Variants in MTHFD2L observed in about 807,000 individuals in gnomAD.
MTHFD2L encodes the protein methylenetetrahydrofolate dehydrogenase (NADP+ dependent) 2 like, also known as bifunctional methylenetetrahydrofolate dehydrogenase/cyclohydrolase 2, mitochondrial.
A neutral mutation model predicts 34.9 loss-of-function variants in MTHFD2L; 29 were observed. The ratio of observed to expected loss-of-function variants is 0.83; its 90% CI spans 0.62 to 1.13. The LOEUF (loss-of-function observed/expected upper bound fraction) is 1.13, where lower values mean the gene tolerates loss of function less well. Among genes scored for constraint, MTHFD2L ranks in the 50% most tolerant of loss-of-function variants. The pLI is 0.00. For synonymous variants in MTHFD2L, 167 were observed against 155.7 expected (o/e 1.07, Z -0.54); for missense variants, 481 against 446.5 (o/e 1.08, Z -0.70).
chr4:74,256,709 G>C (rs1016422925), intron 6 of MTHFD2L, among the ~76,000 whole-genome samples: 2 of 152,124 alleles, frequency 1.3e-5, no homozygotes, highest in African/African-American at 4.8e-5. Flanking sequence ...ATAATCAAAT[G>C]ATTGTCAGTG....
chr4:74,176,228 C>T (rs562971603), intron 3 of MTHFD2L, among the ~76,000 whole-genome samples: 22 of 152,050 alleles, frequency 1.4e-4, no homozygotes, highest in Non-Finnish European at 2.9e-4. Context: ...GATTCAGTGT[C>T]AGCATTCTAT....
At chr4:74,172,768 C>A (rs1243574568) in intron 1 of MTHFD2L, among the ~76,000 whole-genome samples, 1 of 152,132 alleles carries the variant, frequency 6.6e-6, no homozygotes, top group Non-Finnish European at 1.5e-5. Flanking sequence ...GGAATTGCTT[C>A]TTAGCAGAAC....
intron 3 of MTHFD2L, among the ~76,000 whole-genome samples, chr4:74,176,124 T>A (rs193179859): frequency 2.6e-5 from 4 of 152,124 alleles, no homozygotes. Context: ...ATCTGAGATG[T>A]TGTTGTCTTT....
At chr4:74,271,291 T>C (rs1418121693) in intron 6 of MTHFD2L, among the ~76,000 whole-genome samples, 2 of 152,356 alleles carry the variant, frequency 1.3e-5, no homozygotes, top group East Asian at 3.9e-4. Flanking sequence ...TTCTAGAGTT[T>C]TTATGGTTTT....
intron 6 of MTHFD2L, among the ~76,000 whole-genome samples, chr4:74,247,528 T>C (rs1742654975): frequency 6.6e-6 from 1 of 151,902 alleles, no homozygotes; most frequent in Non-Finnish European, 1.5e-5. Context: ...TGTATAGGAG[T>C]GGTGAGAGAG....
intron 1 of MTHFD2L, among the ~76,000 whole-genome samples, chr4:74,127,205 A>G (rs1467508035): frequency 2.0e-5 from 3 of 152,176 alleles, no homozygotes; most frequent in Non-Finnish European, 4.4e-5. Context: ...GAATTAATAC[A>G]ATCAAATCAG....
chr4:74,290,820 A>G (rs965423527), intron 7 of MTHFD2L, among the ~76,000 whole-genome samples: 2 of 151,690 alleles, frequency 1.3e-5, no homozygotes, highest in African/African-American at 4.8e-5. Flanking sequence ...CAACTCTCAT[A>G]TGAATCAACT....
chr4:74,138,163 G>T (rs1723062218), intron 1 of MTHFD2L, among the ~76,000 whole-genome samples: 1 of 151,976 alleles, frequency 6.6e-6, no homozygotes, highest in South Asian at 2.1e-4. Context: ...TGTCTTGTTA[G>T]GGTTAGACAA....
At chr4:74,235,004 T>TA (rs1303504894) in intron 6 of MTHFD2L, among the ~76,000 whole-genome samples, 1 of 152,052 alleles carries the variant, frequency 6.6e-6, no homozygotes, top group Non-Finnish European at 1.5e-5. Context: ...TCTGGCAGCT[T>TA]AGAGCTATAA....
intron 6 of MTHFD2L, chr4:74,267,128 G>A (rs1745375470): frequency 1.2e-5 from 12 of 984,986 alleles, no homozygotes; most frequent in Non-Finnish European, 1.3e-5. Context: ...TTTCTAAAAT[G>A]TTTGAAACCC....
At chr4:74,168,742 T>A (rs954291858) in intron 1 of MTHFD2L, among the ~76,000 whole-genome samples, 1 of 152,064 alleles carries the variant, frequency 6.6e-6, no homozygotes, top group African/African-American at 2.4e-5. Flanking sequence ...TAGAAAACAA[T>A]CACTCTGGCT....
intron 1 of MTHFD2L, chr4:74,165,125 T>C: frequency 3.8e-6 from 1 of 263,346 alleles, no homozygotes; most frequent in Non-Finnish European, 5.9e-6. Context: ...GGAATATCTA[T>C]TGGCTTACAA....
intron 6 of MTHFD2L, among the ~76,000 whole-genome samples, chr4:74,250,053 G>C (rs1387607453): frequency 6.6e-6 from 1 of 151,952 alleles, no homozygotes; most frequent in Non-Finnish European, 1.5e-5. Context: ...AAGTTCTCCT[G>C]GATAATATCC....
intron 7 of MTHFD2L, among the ~76,000 whole-genome samples, chr4:74,286,503 T>G (rs1223271503): frequency 6.6e-6 from 1 of 152,200 alleles, no homozygotes; most frequent in African/African-American, 2.4e-5. Flanking sequence ...AGTAAATAGC[T>G]TCTTGTAAAT....
intron 6 of MTHFD2L, among the ~76,000 whole-genome samples, chr4:74,258,729 A>T (rs1019044530): frequency 3.3e-5 from 5 of 152,188 alleles, no homozygotes; most frequent in Admixed American, 3.3e-4. Context: ...CATCATATAG[A>T]TTATAGCAAA....
chr4:74,237,646 T>A (rs1741040024), intron 6 of MTHFD2L, among the ~76,000 whole-genome samples: 1 of 152,168 alleles, frequency 6.6e-6, no homozygotes, highest in Admixed American at 6.5e-5. Flanking sequence ...CTTATCTTGA[T>A]CTTGGTTTAA....
chr4:74,161,663 A>G (rs1488302445), intron 1 of MTHFD2L: 1 of 152,242 alleles, frequency 6.6e-6, no homozygotes. Flanking sequence ...AAGAGGGACT[A>G]GTATTAATTT....
At chr4:74,222,537 T>G (rs1738389226) in intron 5 of MTHFD2L, among the ~76,000 whole-genome samples, 1 of 152,134 alleles carries the variant, frequency 6.6e-6, no homozygotes, top group Non-Finnish European at 1.5e-5. Flanking sequence ...CTCTTAATAT[T>G]GTTACAATTG....
intron 7 of MTHFD2L, among the ~76,000 whole-genome samples, chr4:74,282,491 A>G (rs1021632516): frequency 5.9e-5 from 9 of 152,108 alleles, no homozygotes; most frequent in African/African-American, 1.9e-4. Flanking sequence ...GAACCTGGTC[A>G]TCAGGTGATG....
Sources: gnomAD v4.1 joint callset for allele counts (sites outside exome capture counted in the v4.1 genomes callset) on GRCh38, gnomAD v4.1.1 for gene constraint, MANE v1.5 for transcripts, NCBI Gene and HGNC (gene_info 2026-07-23, HGNC 2026-07-21) for gene names.